The following EFCAB14 variants were observed in gnomAD, a reference collection of about 807,000 sequenced individuals.
The protein encoded by EFCAB14 is EF-hand calcium-binding domain-containing protein 14.
Under a neutral mutation model 56.5 loss-of-function variants are expected in EFCAB14, and 43 were observed. The observed-to-expected ratio is 0.76, with a 90% CI of 0.60 to 0.98. The LOEUF (loss-of-function observed/expected upper bound fraction) is 0.98, where lower values mean the gene tolerates loss of function less well. Ranked by LOEUF, EFCAB14 falls within the 50% of genes least tolerant of loss-of-function variation. EFCAB14 has a pLI of 0.00. For missense variants in EFCAB14, 538 were observed against 580.3 expected (o/e 0.93, Z 0.75); for synonymous variants, 235 against 212.9 (o/e 1.10, Z -0.90).
intron 2 of EFCAB14, among the ~76,000 whole-genome samples, chr1:46,715,453 C>T (rs1677373170): frequency 6.6e-6 from 1 of 152,212 alleles, no homozygotes; most frequent in East Asian, 1.9e-4. Flanking sequence ...TGATTTGAGA[C>T]TTGGCACAGA....
At chr1:46,716,527 C>A (rs1240132452) in intron 1 of EFCAB14, 84 bp from the exon 2 acceptor site, 6 of 1,476,414 alleles carry the variant, frequency 4.1e-6, no homozygotes, top group Non-Finnish European at 1.9e-6. Flanking sequence ...TTTTGCCATG[C>A]AATTATCTCC....
In EFCAB14 at chr1:46,696,669, A is replaced by G; in HGVS notation, c.481-20T>C. 1 of 1,606,336 alleles carries G rather than the reference A, an allele frequency of 6.2e-7. No individual in the cohort carries two copies. The highest frequency in any genetic ancestry group is 8.5e-7 in the Non-Finnish European group (1 of 1,173,420). ...AGAAATCTGAACAAAAAAGAGTAAC[A>G]AACAATGAAAACAAATGAGAATTTG... On this transcript the variant is annotated intron_variant, in intron 3 of 10. Coordinates refer to ENST00000371933, the MANE Select transcript of EFCAB14 (RefSeq NM_014774.3).
chr1:46,716,500 A>C (rs957807101), intron 1 of EFCAB14, 57 bp from the exon 2 acceptor site: 2 of 1,586,468 alleles, frequency 1.3e-6, no homozygotes, highest in African/African-American at 2.7e-5. Context: ...GTATAGCTTT[A>C]TTAGCAATAG....
intron 2 of EFCAB14, among the ~76,000 whole-genome samples, chr1:46,713,063 TAGA>T (rs1229981990): frequency 1.3e-5 from 2 of 151,846 alleles, no homozygotes; most frequent in Non-Finnish European, 2.9e-5. Context: ...TTTTTTAAAG[TAGA>T]AGCATAATTC....
At chr1:46,694,681 G>C (rs2148844508) in intron 4 of EFCAB14, among the ~76,000 whole-genome samples, 1 of 152,286 alleles carries the variant, frequency 6.6e-6, no homozygotes, top group African/African-American at 2.4e-5. Flanking sequence ...GATTCCTCAA[G>C]GATCTAGAAC....
intron 8 of EFCAB14, among the ~76,000 whole-genome samples, chr1:46,686,473 G>A (rs1676883160): frequency 6.6e-6 from 1 of 152,048 alleles, no homozygotes; most frequent in Non-Finnish European, 1.5e-5. Flanking sequence ...TCATACTCAT[G>A]ATTCATGACC....
intron 9 of EFCAB14, 134 bp downstream of exon 9, chr1:46,684,357 A>G: frequency 1.5e-6 from 1 of 661,370 alleles, no homozygotes; most frequent in South Asian, 1.9e-5. Context: ...AAAGTGTATC[A>G]GCTTCATCTC....
chr1:46,678,901 T>C (rs146860272), intron 10 of EFCAB14, among the ~76,000 whole-genome samples: 3,297 of 151,464 alleles, frequency 0.022, 59 homozygotes, highest in South Asian at 0.038. Context: ...GGCAGGAGGA[T>C]TGCTTGAGGC....
chr1:46,695,274 T>A (rs145635819), intron 4 of EFCAB14, among the ~76,000 whole-genome samples: 8 of 152,320 alleles, frequency 5.3e-5, no homozygotes, highest in African/African-American at 1.9e-4. Context: ...GAGAGCTGCT[T>A]CTGTACTAAT....
At chr1:46,703,455 T>C (rs538415610) in intron 3 of EFCAB14, among the ~76,000 whole-genome samples, 1 of 152,314 alleles carries the variant, frequency 6.6e-6, no homozygotes, top group African/African-American at 2.4e-5. Context: ...CCTTGTTGTA[T>C]ATGTATTTCT....
intron 2 of EFCAB14, among the ~76,000 whole-genome samples, chr1:46,714,932 G>A (rs988823202): frequency 1.3e-5 from 2 of 152,156 alleles, no homozygotes; most frequent in Admixed American, 6.5e-5. Flanking sequence ...ACTCACTCAT[G>A]AGATAAACAT....
chr1:46,716,368 G>C lies in EFCAB14; in HGVS notation c.261C>G (p.Ala87=), dbSNP rs960970817. The C allele has an allele frequency of 3.7e-6, 6 of 1,613,556 alleles. No homozygotes were observed. In the Admixed American group the frequency reaches 8.3e-5, roughly 22 times the overall value. The change falls in exon 2 of 11, where the codon GCC becomes GCG. Residue 87 remains alanine, a synonymous_variant. Coordinates refer to ENST00000371933, the MANE Select transcript of EFCAB14 (RefSeq NM_014774.3). Reference sequence around the variant, plus strand: ...CCTGCATCCACACCAAGCCAACACAGGCCACAACACAGGCAGCAAGGATGA... The same window carrying C: ...CCTGCATCCACACCAAGCCAACACACGCCACAACACAGGCAGCAAGGATGA... The part of the protein sequence containing the change: ...GFVILAACVV[A]CVGLVWMQVA...
chr1:46,718,336 A>C lies in EFCAB14; in HGVS notation c.-249T>G. 3 of 449,272 alleles carry C rather than the reference A, an allele frequency of 6.7e-6. No individual in the cohort carries two copies. The highest frequency in any genetic ancestry group is 1.2e-5 in the Non-Finnish European group (3 of 245,844). 27.8% of individuals were successfully genotyped at this position (449,272 alleles called of 1,614,324 possible). On this transcript the variant is annotated 5_prime_UTR_variant, in exon 1 of 11. Transcript: ENST00000371933. ...AATGGCCAAGGAGCTGGTGACCCCA[A>C]AGGATAAGGCCTTGGGTGCAGAGTG...
intron 3 of EFCAB14, among the ~76,000 whole-genome samples, chr1:46,698,315 C>A (rs1677105507): frequency 6.6e-6 from 1 of 152,064 alleles, no homozygotes; most frequent in African/African-American, 2.4e-5. Flanking sequence ...GAATTTTCAG[C>A]CACTCACTAA....
chr1:46,683,206 G>T, intron 10 of EFCAB14, 94 bp downstream of exon 10: 1 of 1,410,790 alleles, frequency 7.1e-7, no homozygotes, highest in Non-Finnish European at 9.7e-7. Flanking sequence ...CTCAATAAAT[G>T]TTAGATCATA....
intron 3 of EFCAB14, among the ~76,000 whole-genome samples, chr1:46,702,981 C>T (rs188347594): frequency 6.6e-6 from 1 of 152,268 alleles, no homozygotes; most frequent in East Asian, 1.9e-4. Context: ...TACTTTTGCA[C>T]ATATAGTCAA....
At chr1:46,703,709 T>C (rs1289257975) in intron 3 of EFCAB14, among the ~76,000 whole-genome samples, 2 of 152,100 alleles carry the variant, frequency 1.3e-5, no homozygotes, top group South Asian at 2.1e-4. Context: ...GCATTAAATA[T>C]ATTGTGAAAA....
intron 2 of EFCAB14, among the ~76,000 whole-genome samples, chr1:46,711,853 T>A (rs978197180): frequency 6.6e-6 from 1 of 152,178 alleles, no homozygotes; most frequent in African/African-American, 2.4e-5. Context: ...ATTCAACAAC[T>A]TGTTATTAAG....
intron 3 of EFCAB14, among the ~76,000 whole-genome samples, chr1:46,706,474 G>C (rs1359717066): frequency 6.6e-6 from 1 of 152,174 alleles, no homozygotes; most frequent in Non-Finnish European, 1.5e-5. Flanking sequence ...ACAAGAACGA[G>C]ATGAAAAATA....
Sources: allele counts gnomAD v4.1 joint callset (sites outside exome capture counted in the v4.1 genomes callset), GRCh38; gene constraint gnomAD v4.1.1; transcripts MANE v1.5; gene names NCBI Gene and HGNC (gene_info 2026-07-23, HGNC 2026-07-21).